The following PRELID2 variants were observed in gnomAD, a reference collection of about 807,000 sequenced individuals.
The protein encoded by PRELID2 is PRELI domain-containing protein 2.
PRELID2 carries 25 observed loss-of-function variants against 28.4 expected under a neutral mutation model. The observed-to-expected ratio is 0.88, with a 90% CI of 0.64 to 1.23. PRELID2 has a LOEUF of 1.23. Ranked by LOEUF, PRELID2 falls within the 50% of genes most tolerant of loss-of-function variation. The probability of loss-of-function intolerance (pLI) is 0.00; values close to 1 mark genes in which losing one functional copy is unlikely to be tolerated. For synonymous variants in PRELID2, 76 were observed against 71.6 expected, an observed-to-expected ratio of 1.06 and a Z score of -0.31; for missense variants, 201 against 214.4, an observed-to-expected ratio of 0.94 and a Z score of 0.39.
intron 1 of PRELID2, among the ~76,000 whole-genome samples, chr5:145,626,432 C>T (rs916844153): frequency 6.6e-6 from 1 of 152,026 alleles, no homozygotes; most frequent in African/African-American, 2.4e-5. Context: ...TACACAACGT[C>T]GCTAATCACC....
intron 5 of PRELID2, among the ~76,000 whole-genome samples, chr5:145,768,264 T>G (rs573696117): frequency 6.7e-6 from 1 of 149,176 alleles, no homozygotes; most frequent in East Asian, 1.9e-4. Flanking sequence ...GGAAAGGGGA[T>G]TGGGGACAAG....
chr5:145,285,141 G>C, the PRELID2 span, among the ~76,000 whole-genome samples: 2 of 152,076 alleles, frequency 1.3e-5, no homozygotes, highest in African/African-American at 4.8e-5. Flanking sequence ...CATGGCCTGG[G>C]TGATTCAACT....
At chr5:145,798,886 T>C (rs1752942857) in intron 4 of PRELID2, among the ~76,000 whole-genome samples, 1 of 151,946 alleles carries the variant, frequency 6.6e-6, no homozygotes, top group South Asian at 2.1e-4. Flanking sequence ...GGTGGGGGCC[T>C]AGGGGAGGGA....
At chr5:145,512,940 A>C (rs1250757676) in intron 1 of PRELID2, among the ~76,000 whole-genome samples, 1 of 152,206 alleles carries the variant, frequency 6.6e-6, no homozygotes, top group Non-Finnish European at 1.5e-5. Flanking sequence ...AATAGCATCA[A>C]CATCAACAAA....
intron 1 of PRELID2, among the ~76,000 whole-genome samples, chr5:145,550,951 C>A (rs1294700472): frequency 6.6e-6 from 1 of 152,018 alleles, no homozygotes; most frequent in South Asian, 2.1e-4. Flanking sequence ...TGGTAAATAC[C>A]ATTGTCGTGA....
At chr5:145,817,857 C>A (rs771796694) in intron 4 of PRELID2, 37 bp downstream of exon 4, 7 of 1,474,960 alleles carry the variant, frequency 4.7e-6, no homozygotes, top group Admixed American at 2.5e-5. Flanking sequence ...TCCATCCCTG[C>A]AACCAAAACA....
chr5:145,425,509 T>C, the PRELID2 span, among the ~76,000 whole-genome samples: 2 of 152,160 alleles, frequency 1.3e-5, no homozygotes, highest in African/African-American at 2.4e-5. Flanking sequence ...TCGATCTAAA[T>C]GCCCATCAAT....
the PRELID2 span, among the ~76,000 whole-genome samples, chr5:145,375,695 G>A: frequency 6.6e-6 from 1 of 152,188 alleles, no homozygotes; most frequent in Non-Finnish European, 1.5e-5. Flanking sequence ...TTCCTTCAGG[G>A]AAGGCCTGTG....
intron 1 of PRELID2, among the ~76,000 whole-genome samples, chr5:145,587,950 C>A (rs1315959367): frequency 6.6e-6 from 1 of 152,150 alleles, no homozygotes; most frequent in Non-Finnish European, 1.5e-5. Flanking sequence ...TTCTGGCAGC[C>A]ACCACTTAGA....
chr5:145,406,027 C>A, the PRELID2 span, among the ~76,000 whole-genome samples: 5 of 151,994 alleles, frequency 3.3e-5, no homozygotes, highest in Admixed American at 6.6e-5. Context: ...TTTTAAACAA[C>A]CAGATCTTAC....
rs181877379 is a variant in PRELID2, at chr5:145,580,832, A to G, written n.71-107517T>C. On this transcript the variant is annotated intron_variant and non_coding_transcript_variant, in intron 1 of 2. Transcript: ENST00000510259. ...AGATAAATAATGTTGAACTTGAATTACTGGAGCTAGCTATTAGCATTACCG... is the reference window on the plus strand; with the variant it reads ...AGATAAATAATGTTGAACTTGAATTGCTGGAGCTAGCTATTAGCATTACCG... Among the ~76,000 whole-genome samples, 188 of 152,166 alleles carry G rather than the reference A, an allele frequency of 1.2e-3. 1 individual carries two copies. Among genetic ancestry groups the G allele is most frequent in the Middle Eastern group, 0.01 (3 of 294 alleles).
downstream of PRELID2, among the ~76,000 whole-genome samples, chr5:145,751,718 A>T (rs767453462): frequency 1.3e-5 from 2 of 152,258 alleles, no homozygotes; most frequent in Non-Finnish European, 2.9e-5. Flanking sequence ...ACGGTGGCTC[A>T]CGCCTGTAAT....
the PRELID2 span, among the ~76,000 whole-genome samples, chr5:145,463,462 G>A: frequency 2.0e-5 from 3 of 150,498 alleles, no homozygotes; most frequent in African/African-American, 7.3e-5. Context: ...TAATTTTATA[G>A]AATTCTATAT....
intron 1 of PRELID2, among the ~76,000 whole-genome samples, chr5:145,685,573 A>G (rs1477840107): frequency 6.6e-6 from 1 of 152,184 alleles, no homozygotes; most frequent in Non-Finnish European, 1.5e-5. Context: ...TACAAAAGCA[A>G]GTATAATGCT....
intron 1 of PRELID2, among the ~76,000 whole-genome samples, chr5:145,601,608 G>A (rs73311510): frequency 0.032 from 4,910 of 152,198 alleles, 245 homozygotes; most frequent in African/African-American, 0.11. Flanking sequence ...GTTAATAAGA[G>A]AGTGAGAAAT....
chr5:145,425,207 A>T, the PRELID2 span, among the ~76,000 whole-genome samples: 1 of 152,222 alleles, frequency 6.6e-6, no homozygotes, highest in South Asian at 2.1e-4. Context: ...CCACAAAGAG[A>T]TACCATCTCA....
At chr5:145,696,283 GGCA>G (rs1755261044) in intron 1 of PRELID2, among the ~76,000 whole-genome samples, 1 of 150,228 alleles carries the variant, frequency 6.7e-6, no homozygotes, top group Admixed American at 6.7e-5. Flanking sequence ...TCCTGAGACA[GGCA>G]CTGCTTGACA....
intron 1 of PRELID2, among the ~76,000 whole-genome samples, chr5:145,692,692 T>C (rs928240660): frequency 2.0e-5 from 3 of 152,234 alleles, no homozygotes; most frequent in Non-Finnish European, 4.4e-5. Flanking sequence ...ACTTGAATTA[T>C]ACCAAAAGAC....
intron 1 of PRELID2, among the ~76,000 whole-genome samples, chr5:145,584,689 A>G (rs1753136631): frequency 6.6e-6 from 1 of 152,162 alleles, no homozygotes; most frequent in African/African-American, 2.4e-5. Flanking sequence ...AAAAAGCTCA[A>G]CATCACTGAT....
Sources: allele counts gnomAD v4.1 joint callset (sites outside exome capture counted in the v4.1 genomes callset), GRCh38; gene constraint gnomAD v4.1.1; transcripts MANE v1.5; gene names NCBI Gene and HGNC (gene_info 2026-07-23, HGNC 2026-07-21).